Variants in OR1F1 observed in about 807,000 individuals in gnomAD.
The protein encoded by OR1F1 is olfactory receptor family 1 subfamily F member 1, also known as olfactory receptor 1F1.
For missense variants in OR1F1, 493 were observed against 376.3 expected, an observed-to-expected ratio of 1.31 and a Z score of -2.57; for synonymous variants, 184 against 156.7, an observed-to-expected ratio of 1.17 and a Z score of -1.30.
At chr16:3,196,008 C>T in the OR1F1 span, among the ~76,000 whole-genome samples, 7 of 152,200 alleles carry the variant, frequency 4.6e-5, no homozygotes, top group Non-Finnish European at 8.8e-5. Context: ...CAGCAGGACG[C>T]GTGGGTCACG....
At chr16:3,192,185 T>A in the OR1F1 span, among the ~76,000 whole-genome samples, 2 of 152,146 alleles carry the variant, frequency 1.3e-5, no homozygotes, top group Non-Finnish European at 2.9e-5. Flanking sequence ...GCCTCCTGAG[T>A]AGCTGGGACT....
At chr16:3,202,308 A>G (rs186505181), upstream of OR1F1, among the ~76,000 whole-genome samples, 1 of 152,350 alleles carries the variant, frequency 6.6e-6, no homozygotes, top group East Asian at 1.9e-4. Context: ...GTAGTGAGAT[A>G]GAGAAATACA....
chr16:3,204,095 G>C, upstream of OR1F1: 1 of 630,482 alleles, frequency 1.6e-6, no homozygotes. Context: ...CCTGAACATA[G>C]CAGTAGCAGC....
At chr16:3,197,077 T>A in the OR1F1 span, among the ~76,000 whole-genome samples, 1 of 152,164 alleles carries the variant, frequency 6.6e-6, no homozygotes, top group East Asian at 1.9e-4. Context: ...AGTTTCACCA[T>A]GTTGGCCAGG....
chr16:3,193,760 G>A, the OR1F1 span, among the ~76,000 whole-genome samples: 1 of 152,118 alleles, frequency 6.6e-6, no homozygotes, highest in Non-Finnish European at 1.5e-5. Flanking sequence ...ACCACAACCG[G>A]CTAATTTTAA....
the OR1F1 span, among the ~76,000 whole-genome samples, chr16:3,191,541 T>C: frequency 1.3e-5 from 2 of 152,114 alleles, no homozygotes; most frequent in African/African-American, 4.8e-5. Flanking sequence ...ACTCTTAATC[T>C]CAGGGTCGTG....
the OR1F1 span, among the ~76,000 whole-genome samples, chr16:3,198,902 A>G: frequency 6.6e-6 from 1 of 151,228 alleles, no homozygotes; most frequent in Non-Finnish European, 1.5e-5. Flanking sequence ...GGCTGCAGTG[A>G]GCTGTGTTCA....
the OR1F1 span, among the ~76,000 whole-genome samples, chr16:3,195,262 A>G: frequency 6.6e-6 from 1 of 152,212 alleles, no homozygotes; most frequent in Admixed American, 6.5e-5. Context: ...CATTGTGCTA[A>G]TTGCGTTTAC....
chr16:3,197,038 A>G, the OR1F1 span, among the ~76,000 whole-genome samples: 2 of 151,842 alleles, frequency 1.3e-5, no homozygotes, highest in Non-Finnish European at 2.9e-5. Context: ...CACTGCACCT[A>G]ATTTTTGTAT....
the OR1F1 span, chr16:3,191,237 G>A: frequency 1.3e-5 from 2 of 152,196 alleles, no homozygotes; most frequent in African/African-American, 4.8e-5. Context: ...CTTTCTGAAA[G>A]GAGGACATTT....
At chr16:3,206,366 A>G (rs978389805), downstream of OR1F1, among the ~76,000 whole-genome samples, 2 of 152,036 alleles carry the variant, frequency 1.3e-5, no homozygotes, top group Non-Finnish European at 2.9e-5. Context: ...TTGCCTTGTG[A>G]TCTCTATTGG....
the OR1F1 span, among the ~76,000 whole-genome samples, chr16:3,194,858 A>G: frequency 6.6e-6 from 1 of 152,182 alleles, no homozygotes; most frequent in African/African-American, 2.4e-5. Flanking sequence ...CCTGTGCTCA[A>G]GTTATCTTCC....
the OR1F1 span, among the ~76,000 whole-genome samples, chr16:3,198,643 G>A: frequency 6.6e-6 from 1 of 152,264 alleles, no homozygotes; most frequent in East Asian, 1.9e-4. Flanking sequence ...GTAGTGGCGA[G>A]GTCCTGCCTG....
chr16:3,190,562 C>T, the OR1F1 span, among the ~76,000 whole-genome samples: 1 of 152,070 alleles, frequency 6.6e-6, no homozygotes, highest in African/African-American at 2.4e-5. Context: ...ACCATCCTGG[C>T]CAACATGGTA....
At chr16:3,195,676 CAAAAA>C in the OR1F1 span, among the ~76,000 whole-genome samples, 1 of 99,296 alleles carries the variant, frequency 1.0e-5, no homozygotes, top group African/African-American at 3.6e-5. Flanking sequence ...GAGTGGAACT[CAAAAA>C]AAAAAAAAAA....
chr16:3,194,070 A>AT, the OR1F1 span, among the ~76,000 whole-genome samples: 1 of 152,212 alleles, frequency 6.6e-6, no homozygotes, highest in Non-Finnish European at 1.5e-5. Context: ...ACATAAGTAG[A>AT]AAAACTTTGC....
chr16:3,202,549 G>A (rs1958145999), upstream of OR1F1, among the ~76,000 whole-genome samples: 1 of 151,910 alleles, frequency 6.6e-6, no homozygotes, highest in Admixed American at 6.6e-5. Context: ...TGTTGTTCTT[G>A]TTGTTTGTTT....
the OR1F1 span, among the ~76,000 whole-genome samples, chr16:3,192,732 C>A: frequency 6.6e-6 from 1 of 152,074 alleles, no homozygotes; most frequent in African/African-American, 2.4e-5. Flanking sequence ...TAGAATCTCC[C>A]GGGCCGCCTC....
chr16:3,192,061 CTCT>C, the OR1F1 span, among the ~76,000 whole-genome samples: 19 of 152,226 alleles, frequency 1.2e-4, no homozygotes, highest in South Asian at 3.5e-3. Flanking sequence ...GGACGAGCCC[CTCT>C]TCTTATTTTT....
Sources: allele counts gnomAD v4.1 joint callset (sites outside exome capture counted in the v4.1 genomes callset), GRCh38; gene constraint gnomAD v4.1.1; transcripts MANE v1.5; gene names NCBI Gene and HGNC (gene_info 2026-07-23, HGNC 2026-07-21).